The following GFM2 variants were observed in gnomAD, a reference collection of about 807,000 sequenced individuals.
The protein encoded by GFM2 is GTP dependent ribosome recycling factor mitochondrial 2.
A neutral mutation model predicts 95.4 loss-of-function variants in GFM2; 72 were observed. That is an observed-to-expected ratio of 0.76 (90% CI 0.62 to 0.92). The LOEUF (loss-of-function observed/expected upper bound fraction) is 0.92. GFM2 is among the 40% of genes least tolerant of loss of function. The pLI is 0.00. For synonymous variants in GFM2, 276 were observed against 317.5 expected, an observed-to-expected ratio of 0.87 and a Z score of 1.39; for missense variants, 825 against 924.1, an observed-to-expected ratio of 0.89 and a Z score of 1.39.
At chr5:74,742,482 G>T (rs1249403754) in intron 10 of GFM2, among the ~76,000 whole-genome samples, 1 of 152,106 alleles carries the variant, frequency 6.6e-6, no homozygotes, top group Non-Finnish European at 1.5e-5. Flanking sequence ...TCTTGAGGCT[G>T]TTATAAAGAT....
At chr5:74,756,342 C>T (rs1743980784) in intron 5 of GFM2, among the ~76,000 whole-genome samples, 1 of 152,092 alleles carries the variant, frequency 6.6e-6, no homozygotes, top group Admixed American at 6.5e-5. Flanking sequence ...TGCAATACCA[C>T]CTTACTCCTG....
chr5:74,731,544 A>C (rs1742561096), intron 16 of GFM2, among the ~76,000 whole-genome samples: 1 of 152,172 alleles, frequency 6.6e-6, no homozygotes, highest in Non-Finnish European at 1.5e-5. Flanking sequence ...AAACCCTCCC[A>C]GACTTTGCTC....
chr5:74,725,509 T>G (rs1445487912), intron 19 of GFM2, 131 bp downstream of exon 19: 1 of 556,042 alleles, frequency 1.8e-6, no homozygotes, highest in Non-Finnish European at 3.2e-6. Context: ...TGATAAGAAC[T>G]CTTGTTGACC....
At position 74,751,486 on chromosome 5, in the gene GFM2, A is replaced by G. The variant is rs1367853920; in HGVS notation, c.312T>C (p.Asp104=). 1.2e-6 allele frequency: 2 copies of G among 1,608,664 alleles called. No homozygotes were observed. The highest frequency in any genetic ancestry group is 1.7e-6 in the Non-Finnish European group (2 of 1,175,468). ...TGAAATCTGTCACTGTGTCTCCATC[A>G]TCAACATCTAGCCAGGAAAAAGATG... The part of the protein sequence containing the change: ...SGYTRSLGDV[D]DGDTVTDFMA... The change falls in exon 6 of 21, where the codon GAT becomes GAC. Residue 104 remains aspartate, a synonymous_variant. Transcript: ENST00000296805.
chr5:74,744,472 G>A (rs973204153), intron 10 of GFM2, among the ~76,000 whole-genome samples: 17 of 151,782 alleles, frequency 1.1e-4, no homozygotes, highest in Non-Finnish European at 1.6e-4. Context: ...TGATTCAAAC[G>A]TTTTTCTCTA....
chr5:74,730,140 A>G, intron 17 of GFM2, 120 bp downstream of exon 17: 1 of 960,664 alleles, frequency 1.0e-6, no homozygotes, highest in South Asian at 2.1e-5. Context: ...CCCCACATAC[A>G]TAAAAACTGT....
chr5:74,767,113 A>G lies in GFM2; in HGVS notation c.-200T>C, dbSNP rs1338391376. 1 of 485,848 alleles carries G rather than the reference A, an allele frequency of 2.1e-6. No individual in the cohort carries two copies. Among genetic ancestry groups the G allele is most frequent in the East Asian group, 3.2e-5 (1 of 31,114 alleles). 30.1% of individuals were successfully genotyped at this position (485,848 alleles called of 1,614,324 possible). On this transcript the variant is annotated 5_prime_UTR_variant, in exon 1 of 21. Coordinates refer to ENST00000296805, the MANE Select transcript of GFM2 (RefSeq NM_032380.5). ...CTCCGCTCTACCGCCTCGGGCAGCC[A>G]CACCTCCACACTTCCGGCGGTGTAC...
At chr5:74,724,429 G>A (rs1288857207) in intron 19 of GFM2, among the ~76,000 whole-genome samples, 1 of 150,584 alleles carries the variant, frequency 6.6e-6, no homozygotes, top group East Asian at 1.9e-4. Flanking sequence ...CTTGAGCCCA[G>A]GAGTTCAAGA....
chr5:74,721,515 T>C lies in GFM2; in HGVS notation c.*140A>G. 1 of 990,482 alleles carries C rather than the reference T, an allele frequency of 1.0e-6. No individual in the cohort carries two copies. Among genetic ancestry groups the C allele is most frequent in the Non-Finnish European group, 1.6e-6 (1 of 644,256 alleles). 61.4% of individuals were successfully genotyped at this position (990,482 alleles called of 1,614,324 possible). On this transcript the variant is annotated 3_prime_UTR_variant, in exon 21 of 21. Coordinates refer to ENST00000296805, the MANE Select transcript of GFM2 (RefSeq NM_032380.5). ...GTGGCTCCAGTGCCACTATCAAAGC[T>C]TAAGTTATATCTTTTATCTAGTTCT...
intron 7 of GFM2, among the ~76,000 whole-genome samples, chr5:74,750,376 A>T (rs1743632167): frequency 6.6e-6 from 1 of 152,236 alleles, no homozygotes; most frequent in Non-Finnish European, 1.5e-5. Context: ...TCTTGACACC[A>T]GCTTTCCTAT....
intron 3 of GFM2, 86 bp downstream of exon 3, chr5:74,760,815 CT>C: frequency 1.1e-6 from 1 of 878,056 alleles, no homozygotes; most frequent in Non-Finnish European, 1.9e-6. Context: ...TTACAGAGCC[CT>C]AATAAGGGAG....
chr5:74,736,266 A>C (rs1012385203), intron 15 of GFM2: 1 of 545,144 alleles, frequency 1.8e-6, no homozygotes, highest in African/African-American at 2.1e-5. Flanking sequence ...TGGGTTTTAC[A>C]TACCACACTA....
intron 16 of GFM2, among the ~76,000 whole-genome samples, chr5:74,731,755 A>C (rs1438998858): frequency 6.6e-6 from 1 of 152,194 alleles, no homozygotes; most frequent in South Asian, 2.1e-4. Context: ...GCAAAACTAT[A>C]TTATGCTGCT....
intron 5 of GFM2, among the ~76,000 whole-genome samples, chr5:74,758,150 T>C (rs1350479708): frequency 6.6e-6 from 1 of 152,182 alleles, no homozygotes; most frequent in African/African-American, 2.4e-5. Flanking sequence ...AAATCCTCTT[T>C]GATGTGAGAA....
In GFM2 at chr5:74,736,760, C is replaced by T. The variant is rs369800782; in HGVS notation, c.1510+36G>A. On this transcript the variant is annotated intron_variant, in intron 15 of 20. Transcript: ENST00000296805. ...GCAACTATTTTATATAAATTATCAG[C>T]GCACTAATTAGTTGACACACTAAGA... The T allele has an allele frequency of 6.3e-5, 101 of 1,610,846 alleles. No individual in the cohort carries two copies. Among genetic ancestry groups the T allele is most frequent in the Middle Eastern group, 1.7e-4 (1 of 6,044 alleles).
In GFM2 at chr5:74,746,184, TTA is replaced by T; in HGVS notation, c.609-21_609-20del. The T allele has an allele frequency of 7.3e-7, 1 of 1,376,540 alleles. No individual in the cohort carries two copies. The highest frequency in any genetic ancestry group is 9.7e-7 in the Non-Finnish European group (1 of 1,035,018). 85.3% of individuals were successfully genotyped at this position (1,376,540 alleles called of 1,614,324 possible). On this transcript the variant is annotated intron_variant, in intron 8 of 20. Transcript: ENST00000296805. The stretch of plus-strand genomic sequence containing the variant: ...CTTAAAGCTGTAGAAAGCAAAATAA[TTA>T]TAGTTAAAAACATGGTTAAAAATTC...
At chr5:74,728,748 CTTTTTTTTTTTTTTTT>C (rs57180600) in intron 17 of GFM2, among the ~76,000 whole-genome samples, 3,454 of 58,340 alleles carry the variant, frequency 0.059, 233 homozygotes, top group African/African-American at 0.2. Flanking sequence ...GTGGGGGTTT[CTTTTTTTTTTTTTTTT>C]TTTTTTTTTT....
Position 74,767,063 on chromosome 5 carries a change from TCTA to T in GFM2, c.-153_-151del. 2 of 416,108 alleles carry T rather than the reference TCTA, an allele frequency of 4.8e-6. No individual in the cohort carries two copies. Among genetic ancestry groups the T allele is most frequent in the East Asian group, 4.1e-5 (1 of 24,332 alleles). 25.8% of individuals were successfully genotyped at this position (416,108 alleles called of 1,614,324 possible). ...GCCAGCCTAGGCAAAAGGCAATGTA[TCTA>T]AACGAAAAGAAAATAGGCTTTCTCC... On this transcript the variant is annotated 5_prime_UTR_variant, in exon 1 of 21. Transcript: ENST00000296805.
chr5:74,750,763 G>T, intron 6 of GFM2, 96 bp from the exon 7 acceptor site: 1 of 787,694 alleles, frequency 1.3e-6, no homozygotes, highest in Non-Finnish European at 2.1e-6. Flanking sequence ...GGGTGTGTGT[G>T]TATATATATG....
Sources: allele counts gnomAD v4.1 joint callset (sites outside exome capture counted in the v4.1 genomes callset), GRCh38; gene constraint gnomAD v4.1.1; transcripts MANE v1.5; gene names NCBI Gene and HGNC (gene_info 2026-07-23, HGNC 2026-07-21).